The following SIL1 variants were observed in gnomAD, a reference collection of about 807,000 sequenced individuals.
SIL1 encodes the protein SIL1 nucleotide exchange factor.
In SIL1, 40 loss-of-function variants were observed where a neutral mutation model predicts 49.1. The observed-to-expected ratio is 0.81, with a 90% CI of 0.63 to 1.06. The LOEUF is 1.06. Among genes scored for constraint, SIL1 ranks in the 50% least tolerant of loss-of-function variants. SIL1 has a pLI of 0.00. For missense variants in SIL1, 500 were observed against 572.6 expected (o/e 0.87, Z 1.29); for synonymous variants, 253 against 250.8 (o/e 1.01, Z -0.08).
intron 1 of SIL1, among the ~76,000 whole-genome samples, chr5:139,167,152 G>A (rs1350631784): frequency 6.6e-6 from 1 of 151,660 alleles, no homozygotes; most frequent in Non-Finnish European, 1.5e-5. Flanking sequence ...ACACGGTTTC[G>A]CCATGTTGCC....
chr5:138,982,301 C>T (rs72788899), intron 7 of SIL1, among the ~76,000 whole-genome samples: 19,702 of 152,216 alleles, frequency 0.13, 1,642 homozygotes, highest in Admixed American at 0.18. Flanking sequence ...TTGTCCAGTT[C>T]ACCGGCCCCA....
chr5:139,136,037 A>G (rs887102681), intron 1 of SIL1, among the ~76,000 whole-genome samples: 2 of 152,144 alleles, frequency 1.3e-5, no homozygotes, highest in African/African-American at 4.8e-5. Flanking sequence ...TCTGCACTCT[A>G]GCCTGGGTGA....
At chr5:138,999,116 C>G (rs994338064) in intron 7 of SIL1, among the ~76,000 whole-genome samples, 4 of 152,256 alleles carry the variant, frequency 2.6e-5, no homozygotes, top group East Asian at 1.9e-4. Context: ...CTTGGCCTCC[C>G]AAAGTGCTGG....
intron 7 of SIL1, among the ~76,000 whole-genome samples, chr5:138,956,583 A>C (rs1331558075): frequency 6.6e-6 from 1 of 152,092 alleles, no homozygotes; most frequent in Non-Finnish European, 1.5e-5. Flanking sequence ...GTCTCTACTA[A>C]AAATACAAGA....
chr5:139,187,418 G>A (rs1413675477), intron 1 of SIL1, among the ~76,000 whole-genome samples: 1 of 152,008 alleles, frequency 6.6e-6, no homozygotes, highest in Non-Finnish European at 1.5e-5. Context: ...TTGGGAGGCT[G>A]AGGCAGGAGT....
At chr5:139,169,672 G>C (rs1376001314) in intron 1 of SIL1, among the ~76,000 whole-genome samples, 1 of 151,808 alleles carries the variant, frequency 6.6e-6, no homozygotes, top group East Asian at 1.9e-4. Context: ...TAGTAGAGAT[G>C]GGGTTTCACC....
At chr5:139,028,172 T>G (rs932275435) in intron 5 of SIL1, among the ~76,000 whole-genome samples, 1 of 151,094 alleles carries the variant, frequency 6.6e-6, no homozygotes. Context: ...ACAAAAACGA[T>G]GTGTGCCTGG....
intron 3 of SIL1, among the ~76,000 whole-genome samples, chr5:139,058,770 G>A (rs1769516154): frequency 6.6e-6 from 1 of 152,006 alleles, no homozygotes; most frequent in African/African-American, 2.4e-5. Flanking sequence ...GATGTTCCAG[G>A]TTCATCTTGT....
At chr5:139,167,030 T>C (rs2151813170) in intron 1 of SIL1, among the ~76,000 whole-genome samples, 1 of 152,276 alleles carries the variant, frequency 6.6e-6, no homozygotes, top group East Asian at 1.9e-4. Context: ...GCCAGGATGG[T>C]CTCGATCTCC....
rs947432940 is a variant in SIL1, at chr5:139,130,651, CAG to C, written c.-10-2800_-10-2799del. 2.0e-5 allele frequency among the ~76,000 whole-genome samples: 3 copies of C among 152,286 alleles called. No homozygotes were observed. In the East Asian group the frequency reaches 5.8e-4, roughly 29 times the overall value. ...GGCATATCCCCCAAAGAATTGAAAA[CAG>C]GGACTCAAACAGATATATGTACATC... On this transcript the variant is annotated intron_variant, in intron 1 of 9. Transcript: ENST00000394817.
intron 1 of SIL1, among the ~76,000 whole-genome samples, chr5:139,151,383 G>A (rs761299461): frequency 1.3e-5 from 2 of 152,114 alleles, no homozygotes; most frequent in Non-Finnish European, 1.5e-5. Flanking sequence ...AGAGAAGAAC[G>A]ACTGGGGAGA....
chr5:139,080,573 A>G (rs1390049534), intron 3 of SIL1, among the ~76,000 whole-genome samples: 2 of 152,230 alleles, frequency 1.3e-5, no homozygotes, highest in African/African-American at 2.4e-5. Context: ...CACCACTTGT[A>G]TGTCCTCAAA....
intron 3 of SIL1, among the ~76,000 whole-genome samples, chr5:139,077,395 A>G (rs1319063968): frequency 1.3e-5 from 2 of 152,204 alleles, no homozygotes; most frequent in East Asian, 3.8e-4. Context: ...CATTTCTACT[A>G]TCCAAACCCA....
intron 3 of SIL1, among the ~76,000 whole-genome samples, chr5:139,109,190 C>T (rs750162658): frequency 6.6e-6 from 1 of 152,184 alleles, no homozygotes; most frequent in African/African-American, 2.4e-5. Flanking sequence ...TCCAAAGTAT[C>T]CTCAGCTAGA....
chr5:138,998,312 C>T (rs1035804100), intron 7 of SIL1, among the ~76,000 whole-genome samples: 5 of 152,054 alleles, frequency 3.3e-5, no homozygotes, highest in South Asian at 4.1e-4. Flanking sequence ...CGACCACAGG[C>T]GCGCACCACC....
At chr5:139,068,230 G>GT (rs1430169791) in intron 3 of SIL1, among the ~76,000 whole-genome samples, 1 of 152,192 alleles carries the variant, frequency 6.6e-6, no homozygotes. Flanking sequence ...AAGTGCAAAG[G>GT]TATTGGGAAG....
At chr5:139,048,581 G>A (rs1332527342) in intron 4 of SIL1, among the ~76,000 whole-genome samples, 1 of 151,972 alleles carries the variant, frequency 6.6e-6, no homozygotes, top group Non-Finnish European at 1.5e-5. Flanking sequence ...TGTCGCTGGT[G>A]TGTGTCTTCA....
rs75850692 is a variant in SIL1 at position 138,999,669 on chromosome 5, T to C, written c.767+21502A>G. On this transcript the variant is annotated intron_variant, in intron 7 of 9. Coordinates refer to ENST00000394817, the MANE Select transcript of SIL1 (RefSeq NM_022464.5). Reference sequence around the variant, plus strand: ...TGTCTCTAAAAATAATAATAAAGAATAAATGCTACTGGTTTTTGTATGTTG... The same window carrying C: ...TGTCTCTAAAAATAATAATAAAGAACAAATGCTACTGGTTTTTGTATGTTG... 3.9e-4 allele frequency among the ~76,000 whole-genome samples: 60 copies of C among 152,326 alleles called. 1 individual carries two copies. In the East Asian group the frequency reaches 0.011, roughly 28 times the overall value.
intron 7 of SIL1, among the ~76,000 whole-genome samples, chr5:139,016,644 C>A (rs769993584): frequency 2.6e-5 from 4 of 152,092 alleles, no homozygotes; most frequent in Non-Finnish European, 5.9e-5. Context: ...GACATGGCAG[C>A]CAAGAGGTAA....
Sources: allele counts gnomAD v4.1 joint callset (sites outside exome capture counted in the v4.1 genomes callset), GRCh38; gene constraint gnomAD v4.1.1; transcripts MANE v1.5; gene names NCBI Gene and HGNC (gene_info 2026-07-23, HGNC 2026-07-21).